Variants in NFIC observed in about 807,000 individuals in gnomAD.
The protein encoded by NFIC is nuclear factor I C, also known as nuclear factor 1 C-type.
A neutral mutation model predicts 54.4 loss-of-function variants in NFIC; 12 were observed. The ratio of observed to expected loss-of-function variants is 0.22; its 90% confidence interval spans 0.14 to 0.36. The LOEUF (loss-of-function observed/expected upper bound fraction) is 0.36. Ranked by LOEUF, NFIC falls within the 10% of genes least tolerant of loss-of-function variation. The pLI is 1.00. For synonymous variants in NFIC, 322 were observed against 319.2 expected (o/e 1.01, Z -0.09); for missense variants, 575 against 718.2 (o/e 0.80, Z 2.28).
intron 3 of NFIC, among the ~76,000 whole-genome samples, chr19:3,429,065 G>A (rs1311724460): frequency 2.0e-5 from 3 of 151,138 alleles, no homozygotes; most frequent in Non-Finnish European, 3.0e-5. Context: ...CGGGAGGATC[G>A]CTTGAGCCCA....
chr19:3,456,530 G>A lies in NFIC; in HGVS notation c.1424-20G>A. On this transcript the variant is annotated intron_variant, in intron 9 of 10. Coordinates refer to ENST00000443272, the MANE Select transcript of NFIC (RefSeq NM_001245002.2). ...CACAACCCCTCGCTAACGGGCTCTC[G>A]GTCTCTCTCCTCCCTGCAGCCTACT... The A allele has an allele frequency of 6.4e-7, 1 of 1,550,602 alleles. No individual in the cohort carries two copies. The highest frequency in any genetic ancestry group is 8.7e-7 in the Non-Finnish European group (1 of 1,146,312).
chr19:3,419,565 T>C (rs999621303), intron 2 of NFIC, among the ~76,000 whole-genome samples: 10 of 151,930 alleles, frequency 6.6e-5, no homozygotes, highest in African/African-American at 2.4e-4. Flanking sequence ...GGTCAGAAGT[T>C]TGAGACCAGC....
chr19:3,374,691 G>T (rs1032871605), intron 1 of NFIC, among the ~76,000 whole-genome samples: 1 of 152,166 alleles, frequency 6.6e-6, no homozygotes, highest in African/African-American at 2.4e-5. Flanking sequence ...TAGGAGTTTG[G>T]GAGGATTTTC....
rs187395256 is a variant in NFIC, at chr19:3,375,631, T to C, written c.31-6081T>C. 2.2e-3 allele frequency among the ~76,000 whole-genome samples: 328 copies of C among 152,242 alleles called. 2 individuals carry two copies. The highest frequency in any genetic ancestry group is 7.3e-3 in the African/African-American group (304 of 41,562). ...CGCAGCTGTTACGGTGACTCACGCT[T>C]TGGGGGACATTGGGGTGGGGGAGCT... On this transcript the variant is annotated intron_variant, in intron 1 of 10. Transcript: ENST00000443272. The surrounding 1 kb of genome is among the most constrained non-coding windows in gnomAD (Gnocchi z 4.6).
chr19:3,420,108 C>G (rs1475672836), intron 2 of NFIC, among the ~76,000 whole-genome samples: 1 of 152,044 alleles, frequency 6.6e-6, no homozygotes, highest in Non-Finnish European at 1.5e-5. Flanking sequence ...ATCGCTTGAG[C>G]CCAGGAGTTC....
intron 2 of NFIC, among the ~76,000 whole-genome samples, chr19:3,404,883 G>C (rs1196649041): frequency 6.6e-6 from 1 of 152,082 alleles, no homozygotes; most frequent in African/African-American, 2.4e-5. Context: ...GTGACACCGG[G>C]GTCCCCAGGG....
chr19:3,363,271 T>TATATA (rs2080840771), upstream of NFIC, among the ~76,000 whole-genome samples: 2 of 31,482 alleles, frequency 6.4e-5, no homozygotes, highest in South Asian at 1.0e-3. Flanking sequence ...ATATATATAT[T>TATATA]TTTTTTTTTT....
chr19:3,398,669 A>G (rs1568421276), intron 2 of NFIC, among the ~76,000 whole-genome samples: 1 of 151,856 alleles, frequency 6.6e-6, no homozygotes, highest in East Asian at 1.9e-4. Context: ...CCGGGTGGCT[A>G]CGACGCTCCC....
chr19:3,449,172 G>A (rs748445412), intron 7 of NFIC, 33 bp downstream of exon 7: 22 of 1,599,118 alleles, frequency 1.4e-5, no homozygotes, highest in East Asian at 2.3e-5. Flanking sequence ...GGGGAGGGGC[G>A]GCGGGCCCTC....
rs982425465 is a variant in NFIC, at chr19:3,370,519, C to T, written c.30+3853C>T. ...TCTCTCTCTGTCTCCCTCCCTTTCT[C>T]CCCCCATCTCGCTCTCTCCTCCTCT... On this transcript the variant is annotated intron_variant, in intron 1 of 10. Coordinates refer to ENST00000443272, the MANE Select transcript of NFIC (RefSeq NM_001245002.2). This position sits in a 1 kb window ranked among gnomAD's most constrained non-coding sequence, Gnocchi z 5.2. Among the ~76,000 whole-genome samples the T allele has an allele frequency of 9.9e-5, 15 of 151,304 alleles. No homozygotes were observed. The highest frequency in any genetic ancestry group is 2.9e-4 in the African/African-American group (12 of 41,138).
intron 1 of NFIC, among the ~76,000 whole-genome samples, chr19:3,379,688 T>G: frequency 7.0e-6 from 1 of 143,672 alleles, no homozygotes; most frequent in South Asian, 2.2e-4. Flanking sequence ...TTTTTTTTTT[T>G]TTTTTTTTGA....
rs2082663417 is a variant in NFIC, at chr19:3,462,985, C to A, written c.*216C>A. 1 of 1,412,242 alleles carries A rather than the reference C, an allele frequency of 7.1e-7. No homozygotes were observed. Among genetic ancestry groups the A allele is most frequent in the African/African-American group, 1.5e-5 (1 of 68,270 alleles). 87.5% of individuals were successfully genotyped at this position (1,412,242 alleles called of 1,614,324 possible). ...AAGAAGAAGAAGAAGAAATAAAAAC[C>A]CACCCAAGCAAGAAGACAAAAGGTA... On this transcript the variant is annotated 3_prime_UTR_variant, in exon 11 of 11. Coordinates refer to ENST00000443272, the MANE Select transcript of NFIC (RefSeq NM_001245002.2).
At chr19:3,400,462 G>A (rs890703361) in intron 2 of NFIC, among the ~76,000 whole-genome samples, 1 of 152,026 alleles carries the variant, frequency 6.6e-6, no homozygotes, top group Non-Finnish European at 1.5e-5. Context: ...GGGTGACAGA[G>A]TGAGACTCTG....
At position 3,459,777 on chromosome 19, in the gene NFIC, G is replaced by C. The variant is rs1024294452; in HGVS notation, c.1510-2975G>C. On this transcript the variant is annotated intron_variant, in intron 10 of 10. Coordinates refer to ENST00000443272, the MANE Select transcript of NFIC (RefSeq NM_001245002.2). The surrounding 1 kb of genome is among the most constrained non-coding windows in gnomAD (Gnocchi z 4.2). ...AAACCAGACATGAGGTAATGGCCAAGATGAACTTGAACTTGGCTGGAGGTG... is the reference window on the plus strand; with the variant it reads ...AAACCAGACATGAGGTAATGGCCAACATGAACTTGAACTTGGCTGGAGGTG... 6.6e-6 allele frequency among the ~76,000 whole-genome samples: 1 copy of C among 152,260 alleles called. No individual in the cohort carries two copies. The highest frequency in any genetic ancestry group is 1.5e-5 in the Non-Finnish European group (1 of 68,048).
chr19:3,427,510 G>T (rs557298693), intron 3 of NFIC, among the ~76,000 whole-genome samples: 1 of 152,122 alleles, frequency 6.6e-6, no homozygotes, highest in Non-Finnish European at 1.5e-5. Flanking sequence ...GAGGATATAT[G>T]GGGAGAGGAA....
chr19:3,446,497 G>A (rs1441953985), intron 6 of NFIC, among the ~76,000 whole-genome samples: 3 of 152,242 alleles, frequency 2.0e-5, no homozygotes, highest in African/African-American at 4.8e-5. Flanking sequence ...TGTCCACAGT[G>A]CCTGTCTGAG....
At chr19:3,419,146 A>G (rs920418074) in intron 2 of NFIC, among the ~76,000 whole-genome samples, 2 of 152,032 alleles carry the variant, frequency 1.3e-5, no homozygotes, top group African/African-American at 2.4e-5. Context: ...AGTTCTGGAG[A>G]GGATGGTGGC....
At chr19:3,377,159 T>C (rs1003000129) in intron 1 of NFIC, among the ~76,000 whole-genome samples, 1 of 148,956 alleles carries the variant, frequency 6.7e-6, no homozygotes, top group African/African-American at 2.5e-5. Context: ...AACCCCCGTC[T>C]CTACTAAAAA....
Position 3,467,191 on chromosome 19 carries a change from T to C in NFIC, c.*4422T>C, listed in dbSNP as rs1287678513. 1 of 134,896 alleles carries C rather than the reference T, an allele frequency of 7.4e-6. No homozygotes were observed. Among genetic ancestry groups the C allele is most frequent in the Non-Finnish European group, 1.6e-5 (1 of 63,184 alleles). 8.4% of individuals were successfully genotyped at this position (134,896 alleles called of 1,614,324 possible). On this transcript the variant is annotated 3_prime_UTR_variant, in exon 11 of 11. Coordinates refer to ENST00000443272, the MANE Select transcript of NFIC (RefSeq NM_001245002.2). ...AAGCCCCCATCACCCACCCCTGCTA[T>C]GGACACCACACCTATGCCAGGCCCC...
Sources: gnomAD v4.1 joint callset for allele counts (sites outside exome capture counted in the v4.1 genomes callset) on GRCh38, gnomAD v4.1.1 for gene constraint, Gnocchi (gnomAD v3.1) non-coding constraint, MANE v1.5 for transcripts, NCBI Gene and HGNC (gene_info 2026-07-23, HGNC 2026-07-21) for gene names.